The following RAD18 variants were observed in gnomAD, a reference collection of about 807,000 sequenced individuals.
RAD18 encodes the protein RAD18 E3 ubiquitin protein ligase, also known as E3 ubiquitin-protein ligase RAD18.
In RAD18, 47 loss-of-function variants were observed where a neutral mutation model predicts 60.4. The observed-to-expected ratio is 0.78, with a 90% CI of 0.62 to 0.99. The LOEUF is 0.99. Ranked by LOEUF, RAD18 falls within the 50% of genes least tolerant of loss-of-function variation. RAD18 has a pLI of 0.00. For synonymous variants in RAD18, 225 were observed against 195.5 expected (o/e 1.15, Z -1.26); for missense variants, 640 against 593.3 (o/e 1.08, Z -0.82).
intron 2 of RAD18, among the ~76,000 whole-genome samples, chr3:8,957,250 A>G (rs1359472254): frequency 6.6e-6 from 1 of 152,220 alleles, no homozygotes; most frequent in Non-Finnish European, 1.5e-5. Flanking sequence ...CAATTCTCCC[A>G]AATTGATCTC....
intron 7 of RAD18, among the ~76,000 whole-genome samples, chr3:8,926,677 A>G (rs1460032762): frequency 6.6e-6 from 1 of 152,226 alleles, no homozygotes; most frequent in Non-Finnish European, 1.5e-5. Flanking sequence ...GGCTACAGTA[A>G]CCAAAACAGC....
At chr3:8,922,382 G>A (rs2125059419) in intron 7 of RAD18, among the ~76,000 whole-genome samples, 1 of 152,358 alleles carries the variant, frequency 6.6e-6, no homozygotes, top group African/African-American at 2.4e-5. Flanking sequence ...TGGCAGTGAG[G>A]CTGGGGGAGG....
chr3:8,879,128 G>A lies in RAD18; in HGVS notation c.*2229C>T, dbSNP rs1264009615. The stretch of plus-strand genomic sequence containing the variant: ...GACTTGGGAGTTCCTTTACATTACA[G>A]GTTTCTCAGTCTTGGCACAACTGAC... On this transcript the variant is annotated 3_prime_UTR_variant, in exon 13 of 13. Transcript: ENST00000264926. 6.6e-6 allele frequency: 1 copy of A among 152,146 alleles called. No homozygotes were observed. 9.4% of individuals were successfully genotyped at this position (152,146 alleles called of 1,614,324 possible). A position where few individuals can be genotyped will look rare whatever the true frequency, so the allele number is the denominator to read the frequency against.
intron 2 of RAD18, among the ~76,000 whole-genome samples, chr3:8,950,785 T>G (rs997854655): frequency 6.6e-6 from 1 of 152,030 alleles, no homozygotes; most frequent in African/African-American, 2.4e-5. Flanking sequence ...GTAGACAACA[T>G]GCAAGAACAG....
intron 12 of RAD18, among the ~76,000 whole-genome samples, chr3:8,882,266 G>A (rs763462080): frequency 2.6e-4 from 39 of 152,222 alleles, no homozygotes; most frequent in Non-Finnish European, 5.0e-4. Flanking sequence ...GGAAGGAACA[G>A]AGGTGAAATC....
chr3:8,934,617 T>C (rs1398682062), intron 7 of RAD18, among the ~76,000 whole-genome samples: 1 of 152,226 alleles, frequency 6.6e-6, no homozygotes, highest in Admixed American at 6.5e-5. Flanking sequence ...ACTGACACCC[T>C]CACACCCTCC....
intron 2 of RAD18, among the ~76,000 whole-genome samples, chr3:8,958,627 C>T (rs1219218955): frequency 2.6e-5 from 4 of 152,090 alleles, no homozygotes; most frequent in African/African-American, 4.8e-5. Context: ...TGAAACTTAA[C>T]GTCAAAAAAC....
intron 7 of RAD18, among the ~76,000 whole-genome samples, chr3:8,927,287 C>T (rs1940458555): frequency 6.6e-6 from 1 of 152,180 alleles, no homozygotes; most frequent in Non-Finnish European, 1.5e-5. Flanking sequence ...GACATTTATG[C>T]AGCCAAAAGA....
chr3:8,906,248 G>A (rs901578519), intron 9 of RAD18, among the ~76,000 whole-genome samples: 5 of 152,130 alleles, frequency 3.3e-5, no homozygotes, highest in African/African-American at 1.2e-4. Flanking sequence ...ATCTCTCACT[G>A]TGGGTTGTAG....
intron 7 of RAD18, among the ~76,000 whole-genome samples, chr3:8,918,312 C>T (rs1436969597): frequency 9.4e-6 from 1 of 106,366 alleles, no homozygotes; most frequent in Non-Finnish European, 1.9e-5. Context: ...GAGTGAAACT[C>T]CATCTCAAAA....
intron 7 of RAD18, among the ~76,000 whole-genome samples, chr3:8,919,471 C>T (rs1443229537): frequency 2.0e-5 from 3 of 152,256 alleles, no homozygotes; most frequent in East Asian, 3.9e-4. Flanking sequence ...ATCCAACAGG[C>T]AATTAATGCT....
chr3:8,918,040 G>A (rs1019184799), intron 7 of RAD18, among the ~76,000 whole-genome samples: 4 of 152,024 alleles, frequency 2.6e-5, no homozygotes, highest in Admixed American at 6.5e-5. Flanking sequence ...ATTAGGGGCC[G>A]GGCGCAGTGG....
chr3:8,943,444 T>C (rs985045927), intron 4 of RAD18, among the ~76,000 whole-genome samples: 1 of 151,928 alleles, frequency 6.6e-6, no homozygotes, highest in Non-Finnish European at 1.5e-5. Context: ...CTAAATTGGA[T>C]GAGTATAACA....
chr3:8,930,701 G>T (rs561812863), intron 7 of RAD18, among the ~76,000 whole-genome samples: 1 of 152,250 alleles, frequency 6.6e-6, no homozygotes, highest in Non-Finnish European at 1.5e-5. Context: ...AAACTAGGAA[G>T]GGAAGAAATG....
intron 9 of RAD18, among the ~76,000 whole-genome samples, chr3:8,909,948 C>A (rs936603651): frequency 1.3e-5 from 2 of 152,226 alleles, no homozygotes; most frequent in Non-Finnish European, 2.9e-5. Flanking sequence ...CACCGTTTCT[C>A]AGGAAGTTTC....
chr3:8,897,403 C>T (rs1575535514), intron 11 of RAD18, among the ~76,000 whole-genome samples: 1 of 152,152 alleles, frequency 6.6e-6, no homozygotes, highest in Admixed American at 6.5e-5. Flanking sequence ...TGATTACAAG[C>T]GTCCTTGATA....
intron 1 of RAD18, among the ~76,000 whole-genome samples, chr3:8,960,151 T>G (rs1941072806): frequency 2.0e-5 from 3 of 151,864 alleles, no homozygotes; most frequent in African/African-American, 7.3e-5. Context: ...TATAAAAAAT[T>G]TAAAAATTCG....
At chr3:8,916,873 T>C (rs573213715) in intron 7 of RAD18, among the ~76,000 whole-genome samples, 1 of 151,748 alleles carries the variant, frequency 6.6e-6, no homozygotes, top group East Asian at 1.9e-4. Context: ...TCAAGAAATA[T>C]ACACATAATA....
chr3:8,923,080 T>C (rs1032310574), intron 7 of RAD18, among the ~76,000 whole-genome samples: 1 of 151,846 alleles, frequency 6.6e-6, no homozygotes, highest in African/African-American at 2.4e-5. Flanking sequence ...CTTCGACGAG[T>C]TGAGAGAAGA....
Sources: gnomAD v4.1 joint callset for allele counts (sites outside exome capture counted in the v4.1 genomes callset) on GRCh38, gnomAD v4.1.1 for gene constraint, MANE v1.5 for transcripts, NCBI Gene and HGNC (gene_info 2026-07-23, HGNC 2026-07-21) for gene names.